The following BTBD9 variants were observed in gnomAD, a reference collection of about 807,000 sequenced individuals.
BTBD9 encodes BTB/POZ domain-containing protein 9.
In BTBD9, 49 loss-of-function variants were observed where a neutral mutation model predicts 64.3. The observed-to-expected ratio is 0.76, with a 90% confidence interval of 0.61 to 0.97. BTBD9 has a LOEUF of 0.97. BTBD9 is among the 50% of genes least tolerant of loss of function. The pLI is 0.00. For synonymous variants in BTBD9, 260 were observed against 274.7 expected (o/e 0.95, Z 0.53); for missense variants, 598 against 762.1 (o/e 0.78, Z 2.53).
At chr6:38,594,388 G>A in intron 2 of BTBD9, 61 bp from the exon 3 acceptor site, 2 of 1,493,726 alleles carry the variant, frequency 1.3e-6, no homozygotes, top group Non-Finnish European at 1.8e-6. Flanking sequence ...ACAAAATATT[G>A]GAAATAACAG....
intron 4 of BTBD9, among the ~76,000 whole-genome samples, chr6:38,589,053 GACTT>G (rs1776676976): frequency 6.6e-6 from 1 of 152,132 alleles, no homozygotes; most frequent in Non-Finnish European, 1.5e-5. Flanking sequence ...AGGAAAAACA[GACTT>G]ACTTAATCAT....
Position 38,173,233 on chromosome 6 carries a change from G to A in BTBD9, c.*1752C>T, listed in dbSNP as rs191918675. Reference sequence around the variant, plus strand: ...GACAGAGTCAGCAACCATGCTGGAGGGCCCCCCACTGTGAGCGGGCGCCCA... The same window carrying A: ...GACAGAGTCAGCAACCATGCTGGAGAGCCCCCCACTGTGAGCGGGCGCCCA... On this transcript the variant is annotated 3_prime_UTR_variant, in exon 11 of 11. Coordinates refer to ENST00000481247, the MANE Select transcript of BTBD9 (RefSeq NM_001099272.2). The A allele has an allele frequency of 2.6e-5, 4 of 152,232 alleles. No individual in the cohort carries two copies. The highest frequency in any genetic ancestry group is 5.9e-5 in the Non-Finnish European group (4 of 68,070). The allele number at this position is 152,232 out of a possible 1,614,324, so 9.4% of individuals were successfully genotyped here. A position where few individuals can be genotyped will look rare whatever the true frequency, so the allele number is the denominator to read the frequency against.
At chr6:38,344,538 T>C (rs1764210064) in intron 7 of BTBD9, among the ~76,000 whole-genome samples, 1 of 152,092 alleles carries the variant, frequency 6.6e-6, no homozygotes, top group Non-Finnish European at 1.5e-5. Flanking sequence ...AATTCATATA[T>C]CCATGAAAAG....
intron 6 of BTBD9, among the ~76,000 whole-genome samples, chr6:38,532,202 G>T (rs914387842): frequency 4.6e-5 from 7 of 152,134 alleles, no homozygotes; most frequent in African/African-American, 1.7e-4. Flanking sequence ...AAACAAAACT[G>T]GGCTGAACTC....
At chr6:38,442,323 T>C (rs898658294) in intron 6 of BTBD9, among the ~76,000 whole-genome samples, 3 of 151,928 alleles carry the variant, frequency 2.0e-5, no homozygotes, top group Admixed American at 6.6e-5. Flanking sequence ...CCGTCTCTAC[T>C]AAAAATATAA....
intron 6 of BTBD9, among the ~76,000 whole-genome samples, chr6:38,563,909 G>A (rs985263669): frequency 2.6e-5 from 4 of 151,114 alleles, no homozygotes; most frequent in African/African-American, 9.8e-5. Flanking sequence ...AGCCTCCCGA[G>A]TAGCTGGGAC....
At chr6:38,232,090 C>G (rs1453322144) in intron 9 of BTBD9, among the ~76,000 whole-genome samples, 2 of 152,172 alleles carry the variant, frequency 1.3e-5, no homozygotes, top group Non-Finnish European at 2.9e-5. Context: ...CCATGAAAAG[C>G]ATGTGGCCCT....
chr6:38,296,244 A>G (rs1405544313), intron 7 of BTBD9, among the ~76,000 whole-genome samples: 1 of 151,828 alleles, frequency 6.6e-6, no homozygotes, highest in Non-Finnish European at 1.5e-5. Context: ...CCCTTTCAGG[A>G]AAATTTTTTA....
chr6:38,532,429 G>C (rs1477994406), intron 6 of BTBD9, among the ~76,000 whole-genome samples: 1 of 152,108 alleles, frequency 6.6e-6, no homozygotes, highest in African/African-American at 2.4e-5. Context: ...AGGGACTGAG[G>C]GGACAAGTGA....
At chr6:38,493,358 G>T (rs1374510545) in intron 6 of BTBD9, among the ~76,000 whole-genome samples, 1 of 152,156 alleles carries the variant, frequency 6.6e-6, no homozygotes, top group Non-Finnish European at 1.5e-5. Flanking sequence ...TTTTAGTTTT[G>T]TTTTTCCTTA....
chr6:38,634,177 C>T (rs2127535308), intron 1 of BTBD9, among the ~76,000 whole-genome samples: 1 of 152,358 alleles, frequency 6.6e-6, no homozygotes, highest in East Asian at 1.9e-4. Context: ...TCCAATTTCA[C>T]TCCCTTTACA....
At chr6:38,592,013 C>T (rs1462062236) in intron 4 of BTBD9, among the ~76,000 whole-genome samples, 6 of 151,998 alleles carry the variant, frequency 3.9e-5, no homozygotes, top group African/African-American at 7.2e-5. Context: ...GGTGAAACCC[C>T]GTCTCTACTA....
At chr6:38,411,956 C>T (rs975216379) in intron 6 of BTBD9, among the ~76,000 whole-genome samples, 1 of 151,966 alleles carries the variant, frequency 6.6e-6, no homozygotes, top group South Asian at 2.1e-4. Flanking sequence ...TACACACATA[C>T]ACACACATAT....
chr6:38,348,159 G>A (rs144670515), intron 6 of BTBD9, among the ~76,000 whole-genome samples: 1 of 152,246 alleles, frequency 6.6e-6, no homozygotes, highest in African/African-American at 2.4e-5. Context: ...GATAAAAGAA[G>A]TTATTACTAC....
Position 38,175,040 on chromosome 6 carries a change from G to A in BTBD9, c.1784C>T (p.Ser595Leu), listed in dbSNP as rs1255148794. ...GTTGGAGCCTGGGCTGGAGGGTAGT[G>A]AGCTGCCACTAGGCGCCCGCAGCGC... is the stretch of plus-strand genomic sequence containing the variant. ...SHALRAPSGS[S>L]LPSSPGSNSR... Residue 595 changes from serine (S) to leucine (L), a missense_variant, in exon 11 of 11, where the codon TCA (serine) becomes TTA (leucine). Transcript: ENST00000481247. The A allele has an allele frequency of 6.8e-6, 11 of 1,614,168 alleles. No individual in the cohort carries two copies. Among genetic ancestry groups the A allele is most frequent in the Admixed American group, 1.7e-5 (1 of 60,028 alleles).
chr6:38,629,183 C>T (rs1778277743), intron 1 of BTBD9, among the ~76,000 whole-genome samples: 1 of 152,170 alleles, frequency 6.6e-6, no homozygotes. Flanking sequence ...AGGAAATCTT[C>T]ATTTGGCAAC....
Position 38,629,606 on chromosome 6 carries a change from G to A in BTBD9, c.-28+10194C>T, listed in dbSNP as rs772986153. On this transcript the variant is annotated intron_variant, in intron 1 of 10. Coordinates refer to ENST00000481247, the MANE Select transcript of BTBD9 (RefSeq NM_001099272.2). Reference sequence around the variant, plus strand: ...TGGGAGGCCGAGGCAGGAGGATCACGAGGTCAAGAGTTCTAGACCAGCCTG... The same window carrying A: ...TGGGAGGCCGAGGCAGGAGGATCACAAGGTCAAGAGTTCTAGACCAGCCTG... 1.5e-4 allele frequency among the ~76,000 whole-genome samples: 22 copies of A among 151,464 alleles called. 1 individual carries two copies. Among genetic ancestry groups the A allele is most frequent in the Non-Finnish European group, 2.5e-4 (17 of 67,796 alleles).
rs1344355268 is a variant in BTBD9, at chr6:38,345,061, A to G, written c.1187T>C (p.Val396Ala). ...YIRIVGTHNT[V>A]NKIFHIVAFE... ...AGCCACAATGTGAAAAATCTTGTTC[A>G]CTGTGTTGTGAGTCCCAACAATTCG... is the stretch of plus-strand genomic sequence containing the variant. Residue 396 changes from valine to alanine, a missense_variant, in exon 7 of 11, where the codon GTG becomes GCG. Coordinates refer to ENST00000481247, the MANE Select transcript of BTBD9 (RefSeq NM_001099272.2). The G allele has an allele frequency of 6.2e-7, 1 of 1,609,304 alleles. No homozygotes were observed. Among genetic ancestry groups the G allele is most frequent in the Non-Finnish European group, 8.5e-7 (1 of 1,177,022 alleles).
At chr6:38,598,811 G>A (rs572095569) in intron 1 of BTBD9, among the ~76,000 whole-genome samples, 21 of 152,198 alleles carry the variant, frequency 1.4e-4, no homozygotes, top group Non-Finnish European at 2.4e-4. Context: ...CAGCTACTCC[G>A]GAGGCTGAGG....
Sources: allele counts gnomAD v4.1 joint callset (sites outside exome capture counted in the v4.1 genomes callset), GRCh38; gene constraint gnomAD v4.1.1; transcripts MANE v1.5; gene names NCBI Gene and HGNC (gene_info 2026-07-23, HGNC 2026-07-21).